CTNNA1: variants seen among roughly 807,000 people sequenced by gnomAD.
The protein encoded by CTNNA1 is catenin alpha-1.
In CTNNA1, 37 loss-of-function variants were observed where a neutral mutation model predicts 98.4. The observed-to-expected ratio is 0.38, with a 90% confidence interval of 0.29 to 0.49. CTNNA1 has a LOEUF of 0.49. CTNNA1 is among the 20% of genes least tolerant of loss of function. The pLI is 0.95. For synonymous variants in CTNNA1, 404 were observed against 413.2 expected (o/e 0.98, Z 0.27); for missense variants, 761 against 1,147.2 (o/e 0.66, Z 4.86).
intron 11 of CTNNA1, among the ~76,000 whole-genome samples, chr5:138,918,253 C>G (rs1762213729): frequency 6.6e-6 from 1 of 151,952 alleles, no homozygotes; most frequent in African/African-American, 2.4e-5. Context: ...CTCTTGCTGC[C>G]ATTGTGTTTA....
chr5:138,882,295 T>C (rs1363500646), intron 7 of CTNNA1, among the ~76,000 whole-genome samples: 1 of 151,926 alleles, frequency 6.6e-6, no homozygotes, highest in East Asian at 1.9e-4. Flanking sequence ...GGGAGAAGAG[T>C]ATTTTATGTA....
chr5:138,932,068 C>T lies in CTNNA1; in HGVS notation c.2299-510C>T, dbSNP rs547787674. On this transcript the variant is annotated intron_variant, in intron 16 of 17. Coordinates refer to ENST00000302763, the MANE Select transcript of CTNNA1 (RefSeq NM_001903.5). ...TTGCTTTACTTTACTCACTTGTCTTCCACCTCAGCCTGCAGTGAGTGGCTT... is the reference window on the plus strand; with the variant it reads ...TTGCTTTACTTTACTCACTTGTCTTTCACCTCAGCCTGCAGTGAGTGGCTT... 67 of 985,864 alleles carry T rather than the reference C, an allele frequency of 6.8e-5. No individual in the cohort carries two copies. The South Asian group carries it at 2.7e-3, about 40-fold the overall frequency. The allele number at this position is 985,864 out of a possible 1,614,324, so 61.1% of individuals were successfully genotyped here. A position where few individuals can be genotyped will look rare whatever the true frequency, so the allele number is the denominator to read the frequency against.
intron 7 of CTNNA1, among the ~76,000 whole-genome samples, chr5:138,879,008 A>C (rs1053591991): frequency 1.3e-5 from 2 of 151,892 alleles, no homozygotes; most frequent in African/African-American, 4.8e-5. Context: ...TCAGGAGTTC[A>C]AGACCAGCCT....
At chr5:138,909,533 A>AT (rs976649498) in intron 10 of CTNNA1, among the ~76,000 whole-genome samples, 1 of 151,724 alleles carries the variant, frequency 6.6e-6, no homozygotes, top group Non-Finnish European at 1.5e-5. Flanking sequence ...AATTTTTAAA[A>AT]TTTTTTGTTT....
intron 9 of CTNNA1, among the ~76,000 whole-genome samples, chr5:138,899,592 G>A (rs1355783747): frequency 6.6e-6 from 1 of 152,074 alleles, no homozygotes; most frequent in African/African-American, 2.4e-5. Context: ...CCAGCTCTGC[G>A]CAGTCTCTGA....
At chr5:138,892,584 C>T (rs1259588072) in intron 9 of CTNNA1, among the ~76,000 whole-genome samples, 4 of 151,164 alleles carry the variant, frequency 2.6e-5, no homozygotes, top group Admixed American at 6.6e-5. Flanking sequence ...TCAAGTGATT[C>T]GCCCGCCTCG....
intron 9 of CTNNA1, among the ~76,000 whole-genome samples, chr5:138,899,567 T>G (rs1757587521): frequency 6.6e-6 from 1 of 152,198 alleles, no homozygotes. Flanking sequence ...CTAGGGTTGT[T>G]GCCTTTTGCC....
At chr5:138,879,692 A>G (rs539364252) in intron 7 of CTNNA1, among the ~76,000 whole-genome samples, 22 of 152,304 alleles carry the variant, frequency 1.4e-4, no homozygotes, top group Non-Finnish European at 3.1e-4. Flanking sequence ...TCTTGGCTTC[A>G]AGAGATCCTC....
intron 3 of CTNNA1, among the ~76,000 whole-genome samples, chr5:138,801,774 C>T (rs1008379037): frequency 6.6e-6 from 1 of 152,092 alleles, no homozygotes; most frequent in African/African-American, 2.4e-5. Flanking sequence ...TTCAACACAA[C>T]AAAGATGAAT....
chr5:138,911,099 T>C (rs1760520440), intron 10 of CTNNA1, among the ~76,000 whole-genome samples: 1 of 152,146 alleles, frequency 6.6e-6, no homozygotes, highest in South Asian at 2.1e-4. Flanking sequence ...TTGCCAGGCA[T>C]GGTGGTGCAA....
rs1308505272 is a variant in CTNNA1, at chr5:138,809,969, A to AT, written c.302-64dup. On this transcript the variant is annotated intron_variant, in intron 3 of 17. Coordinates refer to ENST00000302763, the MANE Select transcript of CTNNA1 (RefSeq NM_001903.5). Reference sequence around the variant, plus strand: ...TATACAAAGTTTGGATTATTTTTATATTTTTAAAAATGTAGATCAGTTATT... The same window carrying AT: ...TATACAAAGTTTGGATTATTTTTATATTTTTTAAAAATGTAGATCAGTTATT... 11 of 1,502,466 alleles carry AT rather than the reference A, an allele frequency of 7.3e-6. No homozygotes were observed. In the African/African-American group the frequency reaches 1.5e-4, roughly 21 times the overall value. The allele number at this position is 1,502,466 out of a possible 1,614,324, so 93.1% of individuals were successfully genotyped here.
intron 7 of CTNNA1, among the ~76,000 whole-genome samples, chr5:138,857,916 T>C (rs1031521254): frequency 6.6e-6 from 1 of 152,170 alleles, no homozygotes; most frequent in Admixed American, 6.5e-5. Context: ...AAATTACGCA[T>C]GTAGGGAAGC....
At chr5:138,902,456 G>C (rs959451303) in intron 9 of CTNNA1, among the ~76,000 whole-genome samples, 4 of 152,210 alleles carry the variant, frequency 2.6e-5, no homozygotes, top group Non-Finnish European at 5.9e-5. Context: ...GTCTCGCTCT[G>C]TCGCCCAGGC....
chr5:138,756,270 C>T (rs574207159), intron 1 of CTNNA1, among the ~76,000 whole-genome samples: 104 of 152,066 alleles, frequency 6.8e-4, no homozygotes, highest in African/African-American at 2.4e-3. Flanking sequence ...CTCCTGACCT[C>T]GTGATCCACC....
At chr5:138,862,984 G>A (rs1764426163) in intron 7 of CTNNA1, among the ~76,000 whole-genome samples, 1 of 152,152 alleles carries the variant, frequency 6.6e-6, no homozygotes. Context: ...AGGACTTTAT[G>A]TGAATAAATC....
chr5:138,800,378 A>G (rs825748), intron 3 of CTNNA1, among the ~76,000 whole-genome samples: 105,444 of 152,028 alleles, frequency 0.69, 36,710 homozygotes, highest in East Asian at 0.93. Flanking sequence ...TCTAGAGTTG[A>G]AGAATTTAAT....
intron 9 of CTNNA1, among the ~76,000 whole-genome samples, chr5:138,888,657 C>A (rs1177634127): frequency 6.6e-6 from 1 of 152,194 alleles, no homozygotes; most frequent in Non-Finnish European, 1.5e-5. Context: ...AAGCAATTCT[C>A]CTGCCTCAGC....
rs1245937649 is a variant in CTNNA1, at chr5:138,933,883, G to A, written c.2515G>A (p.Ala839Thr). 1 of 1,614,110 alleles carries A rather than the reference G, an allele frequency of 6.2e-7. No individual in the cohort carries two copies. Among genetic ancestry groups the A allele is most frequent in the African/African-American group, 1.3e-5 (1 of 75,010 alleles). The change falls in exon 18 of 18, where the codon GCC becomes ACC. Residue 839 changes from alanine (A) to threonine (T), a missense_variant. Physicochemically the swap from Ala to Thr is moderately conservative, Grantham distance 58 (BLOSUM62 0). Transcript: ENST00000302763. ...VVQTVKASYV[A>T]STKYQKSQGM... ...GCAGACAGTGAAGGCATCCTACGTC[G>A]CCTCTACCAAATACCAAAAGTCACA... is the stretch of plus-strand genomic sequence containing the variant.
chr5:138,863,620 G>C (rs915626298), intron 7 of CTNNA1, among the ~76,000 whole-genome samples: 1 of 152,162 alleles, frequency 6.6e-6, no homozygotes, highest in South Asian at 2.1e-4. Flanking sequence ...AGGAGAACAC[G>C]TATGATTATC....
Sources: allele counts gnomAD v4.1 joint callset (sites outside exome capture counted in the v4.1 genomes callset), GRCh38; gene constraint gnomAD v4.1.1; transcripts MANE v1.5; gene names NCBI Gene and HGNC (gene_info 2026-07-23, HGNC 2026-07-21).